The following CELSR1 variants were observed in gnomAD, a reference collection of about 807,000 sequenced individuals.
CELSR1 encodes the protein cadherin EGF LAG seven-pass G-type receptor 1, also known as adhesion G protein-coupled receptor C1.
CELSR1 carries 110 observed loss-of-function variants against 249.1 expected under a neutral mutation model. The observed-to-expected ratio is 0.44, with a 90% CI of 0.38 to 0.52. CELSR1 has a LOEUF of 0.52. Among genes scored for constraint, CELSR1 ranks in the 20% least tolerant of loss-of-function variants. CELSR1 has a pLI of 0.00. For missense variants in CELSR1, 4,109 were observed against 4,296.4 expected, an observed-to-expected ratio of 0.96 and a Z score of 1.22; for synonymous variants, 2,113 against 1,900.0, an observed-to-expected ratio of 1.11 and a Z score of -2.92.
In CELSR1 at chr22:46,535,954, G is replaced by T; in HGVS notation, c.1217C>A (p.Ser406Tyr). The T allele has an allele frequency of 6.2e-7, 1 of 1,610,098 alleles. No homozygotes were observed. ...AWDVFQLNES[S>Y]GVVSTRAVLD... ...CACCGCCCGTGTGCTCACCACGCCAGAGCTCTCGTTGAGCTGGAAGACGTC... is the reference window on the plus strand; with the variant it reads ...CACCGCCCGTGTGCTCACCACGCCATAGCTCTCGTTGAGCTGGAAGACGTC... The change falls in exon 1 of 35, where the codon TCT (serine) becomes TAT (tyrosine). Residue 406 changes from serine to tyrosine, a missense_variant. Physicochemically the swap from Ser to Tyr is moderately radical, Grantham distance 144. Coordinates refer to ENST00000674500, the MANE Select transcript of CELSR1 (RefSeq NM_001378328.1).
rs2079347906 is a variant in CELSR1 at position 46,412,369 on chromosome 22, C to G, written c.4612-610G>C. Among the ~76,000 whole-genome samples, 1 of 152,168 alleles carries G rather than the reference C, an allele frequency of 6.6e-6. No individual in the cohort carries two copies. The highest frequency in any genetic ancestry group is 2.4e-5 in the African/African-American group (1 of 41,428). On this transcript the variant is annotated intron_variant, in intron 5 of 34. Transcript: ENST00000674500. This position sits in a 1 kb window ranked among gnomAD's most constrained non-coding sequence, Gnocchi z 4.5. Reference sequence around the variant, plus strand: ...CCAACACCCAAGTCCTGGGGCCCCTCCTGTGAACACCCGCTTCTGCTCTTC... The same window carrying G: ...CCAACACCCAAGTCCTGGGGCCCCTGCTGTGAACACCCGCTTCTGCTCTTC...
At chr22:46,394,289 G>C (rs200068002) in intron 13 of CELSR1, 27 bp from the exon 14 acceptor site, 86 of 1,605,470 alleles carry the variant, frequency 5.4e-5, no homozygotes, top group Middle Eastern at 1.7e-4. Flanking sequence ...AGGGCAGCTG[G>C]AAGGTTTATG....
At chr22:46,514,618 CACCTCCCCAG>C (rs955816423) in intron 1 of CELSR1, among the ~76,000 whole-genome samples, 7 of 152,186 alleles carry the variant, frequency 4.6e-5, no homozygotes, top group Non-Finnish European at 1.5e-5. Context: ...CCCCTCTCAG[CACCTCCCCAG>C]ACCTCCCCAG....
chr22:46,452,495 C>G (rs1032112928), intron 2 of CELSR1, among the ~76,000 whole-genome samples: 2 of 152,338 alleles, frequency 1.3e-5, no homozygotes, highest in South Asian at 2.1e-4. Context: ...GGGGTACACA[C>G]AGCTGGCACT....
Position 46,390,379 on chromosome 22 carries a change from G to A in CELSR1, c.6345+13C>T, listed in dbSNP as rs758549950. 9 of 1,605,414 alleles carry A rather than the reference G, an allele frequency of 5.6e-6. No homozygotes were observed. The highest frequency in any genetic ancestry group is 1.3e-5 in the African/African-American group (1 of 74,544). On this transcript the variant is annotated intron_variant, in intron 17 of 34. Coordinates refer to ENST00000674500, the MANE Select transcript of CELSR1 (RefSeq NM_001378328.1). This position sits in a 1 kb window ranked among gnomAD's most constrained non-coding sequence, Gnocchi z 6.3. Reference sequence around the variant, plus strand: ...GTGCCCCTGCTGAACACACATCCCCGAGGCGCCCCTACCATGGCCCTGAGG... The same window carrying A: ...GTGCCCCTGCTGAACACACATCCCCAAGGCGCCCCTACCATGGCCCTGAGG...
chr22:46,487,040 A>C (rs1478843943), intron 1 of CELSR1, among the ~76,000 whole-genome samples: 4 of 24,652 alleles, frequency 1.6e-4, no homozygotes, highest in Admixed American at 4.8e-4. Context: ...TCCTGCCCTC[A>C]CTCCCACTCC....
At chr22:46,485,802 A>G (rs1308302236) in intron 1 of CELSR1, among the ~76,000 whole-genome samples, 1 of 152,192 alleles carries the variant, frequency 6.6e-6, no homozygotes, top group African/African-American at 2.4e-5. Context: ...AGGGAGAAAC[A>G]GAACCCTGTT....
Position 46,535,363 on chromosome 22 carries a change from C to T in CELSR1, c.1808G>A (p.Arg603His), listed in dbSNP as rs766528246. Residue 603 changes from arginine to histidine, a missense_variant, in exon 1 of 35, where the codon CGC becomes CAC. Physicochemically the swap from Arg to His is conservative, Grantham distance 29. Coordinates refer to ENST00000674500, the MANE Select transcript of CELSR1 (RefSeq NM_001378328.1). ...AAAGGTGGAGGCCGTGTCCACCAGG[C>T]GATAGTGCAGCCGGGCGTTCTCTCC... is the stretch of plus-strand genomic sequence containing the variant. ...DSGENARLHYRLVDTASTFLG... is the reference protein window; with the variant it reads ...DSGENARLHYHLVDTASTFLG... The T allele has an allele frequency of 1.2e-6, 2 of 1,612,154 alleles. No homozygotes were observed. Among genetic ancestry groups the T allele is most frequent in the Admixed American group, 1.7e-5 (1 of 60,000 alleles).
intron 25 of CELSR1, 32 bp from the exon 26 acceptor site, chr22:46,369,836 G>A (rs1306034818): frequency 6.3e-7 from 1 of 1,596,134 alleles, no homozygotes; most frequent in Non-Finnish European, 8.6e-7. Flanking sequence ...GGAAGGGTGA[G>A]GGCCACGTGC....
intron 1 of CELSR1, among the ~76,000 whole-genome samples, chr22:46,510,782 T>C (rs1374920145): frequency 1.3e-5 from 2 of 152,190 alleles, no homozygotes; most frequent in Middle Eastern, 3.2e-3. Flanking sequence ...GAAAAGCAAC[T>C]TCTAGTGCTC....
chr22:46,377,526 A>C, intron 23 of CELSR1: 1 of 508,726 alleles, frequency 2.0e-6, no homozygotes. Flanking sequence ...CCGTTCAGAG[A>C]CCTCTGGCTT....
At position 46,526,788 on chromosome 22, in the gene CELSR1, C is replaced by T. The variant is rs138036010; in HGVS notation, c.3544+6839G>A. ...CTGGGTCCCCTCCTAACTGCCAGCA[C>T]CCTCACTTCTGTGTCCATAACCTGA... On this transcript the variant is annotated intron_variant, in intron 1 of 34. Transcript: ENST00000674500. This position sits in a 1 kb window ranked among gnomAD's most constrained non-coding sequence, Gnocchi z 4.7. 1.3e-5 allele frequency among the ~76,000 whole-genome samples: 2 copies of T among 152,216 alleles called. No individual in the cohort carries two copies. Among genetic ancestry groups the T allele is most frequent in the Non-Finnish European group, 1.5e-5 (1 of 68,038 alleles).
In CELSR1 at chr22:46,454,821, A is replaced by G. The variant is rs1435181540; in HGVS notation, c.4183+8886T>C. Among the ~76,000 whole-genome samples the G allele has an allele frequency of 6.6e-6, 1 of 152,232 alleles. No homozygotes were observed. The highest frequency in any genetic ancestry group is 2.4e-5 in the African/African-American group (1 of 41,458). On this transcript the variant is annotated intron_variant, in intron 2 of 34. Coordinates refer to ENST00000674500, the MANE Select transcript of CELSR1 (RefSeq NM_001378328.1). This position sits in a 1 kb window ranked among gnomAD's most constrained non-coding sequence, Gnocchi z 5.1. ...GAAGCGCCAACAGCCCTGGTTCCCA[A>G]ACTCCTTAGCTCCTCAGCGAAGGAG...
At position 46,537,176 on chromosome 22, in the gene CELSR1, G is replaced by GGAGCCC. The variant is rs1001650195; in HGVS notation, c.-12_-7dup. ...GGCGGCGGCGGCGGCGCCATGGCCC[G>GGAGCCC]GAGCCCGAGCCCGAGCCGGGCGCCC... On this transcript the variant is annotated 5_prime_UTR_variant, in exon 1 of 35. Transcript: ENST00000674500. This position sits in a 1 kb window ranked among gnomAD's most constrained non-coding sequence, Gnocchi z 5.8. 4.0e-5 allele frequency: 41 copies of GGAGCCC among 1,017,996 alleles called. No individual in the cohort carries two copies. The highest frequency in any genetic ancestry group is 1.1e-4 in the African/African-American group (6 of 57,062). 63.1% of individuals were successfully genotyped at this position (1,017,996 alleles called of 1,614,324 possible). A position where few individuals can be genotyped will look rare whatever the true frequency, so the allele number is the denominator to read the frequency against.
At chr22:46,432,016 C>CT (rs960187798) in intron 5 of CELSR1, among the ~76,000 whole-genome samples, 1 of 152,230 alleles carries the variant, frequency 6.6e-6, no homozygotes, top group African/African-American at 2.4e-5. Flanking sequence ...AAGCACTCAG[C>CT]TCCCAAACCT....
chr22:46,421,970 G>C (rs1237269244), intron 5 of CELSR1, among the ~76,000 whole-genome samples: 1 of 152,222 alleles, frequency 6.6e-6, no homozygotes, highest in Admixed American at 6.5e-5. Context: ...AAGGCCCTGA[G>C]GGCAAAATTA....
At chr22:46,452,770 C>G (rs902458881) in intron 2 of CELSR1, among the ~76,000 whole-genome samples, 1 of 152,242 alleles carries the variant, frequency 6.6e-6, no homozygotes, top group East Asian at 1.9e-4. Context: ...CAGGGCCCAG[C>G]CAACACTTCC....
chr22:46,400,503 G>T (rs910954392), intron 9 of CELSR1, among the ~76,000 whole-genome samples: 1 of 152,062 alleles, frequency 6.6e-6, no homozygotes, highest in African/African-American at 2.4e-5. Flanking sequence ...CAGGCATGGT[G>T]GCAGGCACCT....
rs898875759 is a variant in CELSR1 at position 46,401,122 on chromosome 22, C to T, written c.5227-1220G>A. ...GGCTTTTAAGTACTGGGACCCAGCT[C>T]GATTCAGGTAACTACTGGGCTCCTA... is the stretch of plus-strand genomic sequence containing the variant. On this transcript the variant is annotated intron_variant, in intron 9 of 34. Transcript: ENST00000674500. This position sits in a 1 kb window ranked among gnomAD's most constrained non-coding sequence, Gnocchi z 4.7. 4.6e-5 allele frequency among the ~76,000 whole-genome samples: 7 copies of T among 152,028 alleles called. No homozygotes were observed. Among genetic ancestry groups the T allele is most frequent in the African/African-American group, 9.7e-5 (4 of 41,370 alleles).
Sources: allele counts gnomAD v4.1 joint callset (sites outside exome capture counted in the v4.1 genomes callset), GRCh38; gene constraint gnomAD v4.1.1; non-coding constraint Gnocchi (gnomAD v3.1); transcripts MANE v1.5; gene names NCBI Gene and HGNC (gene_info 2026-07-23, HGNC 2026-07-21).